The following TAF4B variants were observed in gnomAD, a reference collection of about 807,000 sequenced individuals.
The protein encoded by TAF4B is transcription initiation factor TFIID subunit 4B.
A neutral mutation model predicts 86.4 loss-of-function variants in TAF4B; 38 were observed. The ratio of observed to expected loss-of-function variants is 0.44; its 90% CI spans 0.34 to 0.58. TAF4B has a LOEUF of 0.58. TAF4B is among the 20% of genes least tolerant of loss of function. The probability of loss-of-function intolerance (pLI) is 0.02; values close to 1 mark genes in which losing one functional copy is unlikely to be tolerated. For synonymous variants in TAF4B, 388 were observed against 391.2 expected, an observed-to-expected ratio of 0.99 and a Z score of 0.10; for missense variants, 988 against 1,027.6, an observed-to-expected ratio of 0.96 and a Z score of 0.53.
intron 1 of TAF4B, among the ~76,000 whole-genome samples, chr18:26,232,247 C>T (rs753702568): frequency 1.3e-5 from 2 of 152,072 alleles, no homozygotes; most frequent in African/African-American, 2.4e-5. Flanking sequence ...AACAGGACAC[C>T]CCAGCTGCTG....
intron 1 of TAF4B, among the ~76,000 whole-genome samples, chr18:26,247,426 A>G (rs1482463909): frequency 6.6e-6 from 1 of 152,214 alleles, no homozygotes; most frequent in East Asian, 1.9e-4. Context: ...CAGCCGTCTG[A>G]AAGTATGGGT....
intron 7 of TAF4B, 26 bp downstream of exon 7, chr18:26,286,525 A>C: frequency 6.4e-7 from 1 of 1,558,928 alleles, no homozygotes; most frequent in Non-Finnish European, 8.6e-7. Flanking sequence ...TTTCTTCCCC[A>C]GTTACTTATT....
chr18:26,291,636 G>A (rs2056594435), intron 7 of TAF4B, among the ~76,000 whole-genome samples: 1 of 150,816 alleles, frequency 6.6e-6, no homozygotes, highest in South Asian at 2.1e-4. Flanking sequence ...GAACCTGGGA[G>A]GCAGAGGTTG....
At chr18:26,233,264 T>C (rs1170935576) in intron 1 of TAF4B, among the ~76,000 whole-genome samples, 1 of 152,088 alleles carries the variant, frequency 6.6e-6, no homozygotes, top group East Asian at 1.9e-4. Context: ...ATTTTCCCAT[T>C]GGAGAAAAAA....
At chr18:26,253,105 A>G (rs948665249) in intron 1 of TAF4B, among the ~76,000 whole-genome samples, 1 of 152,184 alleles carries the variant, frequency 6.6e-6, no homozygotes, top group African/African-American at 2.4e-5. Flanking sequence ...GAACAAAAGT[A>G]GTGATTGTAG....
chr18:26,299,558 TC>T (rs558634895), intron 9 of TAF4B, among the ~76,000 whole-genome samples: 223 of 152,146 alleles, frequency 1.5e-3, no homozygotes, highest in African/African-American at 5.1e-3. Context: ...GTCATAGTCT[TC>T]CCCCCCTCCT....
At chr18:26,285,252 C>T (rs1276669719) in intron 6 of TAF4B, among the ~76,000 whole-genome samples, 1 of 14,278 alleles carries the variant, frequency 7.0e-5, no homozygotes, top group South Asian at 9.1e-3. Flanking sequence ...TGGGGTCTTG[C>T]TCTGTCACCC....
chr18:26,243,322 A>G (rs1022724021), intron 1 of TAF4B, among the ~76,000 whole-genome samples: 1 of 151,578 alleles, frequency 6.6e-6, no homozygotes, highest in Non-Finnish European at 1.5e-5. Flanking sequence ...TTCTTGCTTC[A>G]TTTAATTCAT....
At chr18:26,292,128 G>A in intron 7 of TAF4B, 118 bp from the exon 8 acceptor site, 2 of 1,141,114 alleles carry the variant, frequency 1.8e-6, no homozygotes, top group Non-Finnish European at 2.4e-6. Context: ...AGGCATTCTT[G>A]TTAAGATAAA....
chr18:26,369,764 A>G (rs977523614), intron 14 of TAF4B, among the ~76,000 whole-genome samples: 1 of 152,242 alleles, frequency 6.6e-6, no homozygotes, highest in Admixed American at 6.5e-5. Flanking sequence ...TAACAATTAC[A>G]CATGGCCAAA....
chr18:26,267,733 A>G (rs2056260594), intron 3 of TAF4B, 110 bp downstream of exon 3: 2 of 712,230 alleles, frequency 2.8e-6, no homozygotes, highest in South Asian at 3.5e-5. Flanking sequence ...GAAGATAGCA[A>G]TTCAGTAATA....
chr18:26,277,286 A>T (rs933663698), intron 5 of TAF4B, among the ~76,000 whole-genome samples: 1 of 152,030 alleles, frequency 6.6e-6, no homozygotes, highest in Non-Finnish European at 1.5e-5. Context: ...GGGTCTTGCT[A>T]TGTTGCTCAG....
rs200809831 is a variant in TAF4B at position 26,286,129 on chromosome 18, C to T, written c.1220C>T (p.Ala407Val). Reference sequence around the variant, plus strand: ...CTTGCTGGTCCAGTGGGAGCAAAAGCTGGAGTTGTGACACTTCATTCTGTG... The same window carrying T: ...CTTGCTGGTCCAGTGGGAGCAAAAGTTGGAGTTGTGACACTTCATTCTGTG... Reference protein sequence around the residue: ...NPLAGPVGAKAGVVTLHSVGP... With the variant: ...NPLAGPVGAKVGVVTLHSVGP... Residue 407 changes from alanine to valine, a missense_variant, in exon 7 of 15, where the codon GCT becomes GTT. Transcript: ENST00000269142. 187 of 1,614,122 alleles carry T rather than the reference C, an allele frequency of 1.2e-4. No homozygotes were observed. Among genetic ancestry groups the T allele is most frequent in the Admixed American group, 6.2e-4 (37 of 60,000 alleles).
chr18:26,301,633 C>T (rs571344033), intron 9 of TAF4B, among the ~76,000 whole-genome samples: 120 of 152,210 alleles, frequency 7.9e-4, no homozygotes, highest in Admixed American at 4.8e-3. Context: ...TTCCAATGTC[C>T]GGGTTACCTG....
At chr18:26,366,905 C>T (rs1225509500) in intron 14 of TAF4B, among the ~76,000 whole-genome samples, 1 of 152,156 alleles carries the variant, frequency 6.6e-6, no homozygotes, top group East Asian at 1.9e-4. Flanking sequence ...GTATTATCTT[C>T]ATTAGTCCTC....
intron 1 of TAF4B, among the ~76,000 whole-genome samples, chr18:26,247,582 A>T (rs1341524867): frequency 1.3e-5 from 2 of 152,048 alleles, no homozygotes; most frequent in African/African-American, 4.8e-5. Context: ...ATCTTCTTTT[A>T]AAAAAAATTG....
At chr18:26,301,298 T>G (rs562145088) in intron 9 of TAF4B, among the ~76,000 whole-genome samples, 26 of 152,006 alleles carry the variant, frequency 1.7e-4, no homozygotes, top group South Asian at 8.3e-4. Flanking sequence ...TGTTGTTTTT[T>G]TTTTTTTTGA....
intron 13 of TAF4B, among the ~76,000 whole-genome samples, chr18:26,354,179 A>G (rs1301396129): frequency 2.0e-5 from 3 of 152,138 alleles, no homozygotes; most frequent in East Asian, 1.9e-4. Context: ...GGTTCAAGCA[A>G]TTCTCCTGCC....
intron 1 of TAF4B, among the ~76,000 whole-genome samples, chr18:26,237,712 C>G (rs1377387694): frequency 1.3e-5 from 2 of 152,180 alleles, no homozygotes; most frequent in African/African-American, 4.8e-5. Context: ...CATTTGCCTT[C>G]CCTCTTACAG....
Sources: allele counts gnomAD v4.1 joint callset (sites outside exome capture counted in the v4.1 genomes callset), GRCh38; gene constraint gnomAD v4.1.1; transcripts MANE v1.5; gene names NCBI Gene and HGNC (gene_info 2026-07-23, HGNC 2026-07-21).